Variants in ADGRB3 observed in about 807,000 individuals in gnomAD.
ADGRB3 encodes the protein brain-specific angiogenesis inhibitor 3.
A neutral mutation model predicts 193.4 loss-of-function variants in ADGRB3; 37 were observed. The ratio of observed to expected loss-of-function variants is 0.19; its 90% CI spans 0.15 to 0.25. The LOEUF (loss-of-function observed/expected upper bound fraction) is 0.25. ADGRB3 is among the 10% of genes least tolerant of loss of function. The pLI is 1.00. For missense variants in ADGRB3, 1,637 were observed against 1,852.9 expected (o/e 0.88, Z 2.14); for synonymous variants, 690 against 644.2 (o/e 1.07, Z -1.08).
intron 3 of ADGRB3, among the ~76,000 whole-genome samples, chr6:68,786,368 A>G (rs1485483791): frequency 6.6e-6 from 1 of 152,182 alleles, no homozygotes; most frequent in East Asian, 1.9e-4. Context: ...AGCTTTCTAC[A>G]TATGGCTAGC....
intron 13 of ADGRB3, among the ~76,000 whole-genome samples, chr6:69,042,536 A>T (rs563208762): frequency 2.1e-4 from 32 of 152,204 alleles, no homozygotes; most frequent in Non-Finnish European, 2.8e-4. Context: ...GAAATTGTTA[A>T]TGCCAAGGGG....
At position 69,292,825 on chromosome 6, in the gene ADGRB3, C is replaced by T. The variant is rs369564596; in HGVS notation, c.2815-32047C>T. On this transcript the variant is annotated intron_variant, in intron 20 of 31. Coordinates refer to ENST00000370598, the MANE Select transcript of ADGRB3 (RefSeq NM_001704.3). ...TGCTGGTGCGCTGCACCCACTAACC[C>T]GTCATCTAGCATGAGGTACATCTCC... Among the ~76,000 whole-genome samples, 19 of 152,240 alleles carry T rather than the reference C, an allele frequency of 1.2e-4. No homozygotes were observed. In the East Asian group the frequency reaches 1.7e-3, roughly 14 times the overall value.
chr6:69,115,330 C>T (rs1037487113), intron 17 of ADGRB3, among the ~76,000 whole-genome samples: 5 of 151,960 alleles, frequency 3.3e-5, no homozygotes, highest in Non-Finnish European at 5.9e-5. Flanking sequence ...TCATTCTCAG[C>T]AAACTAAAAC....
At chr6:69,252,759 A>G (rs975724529) in intron 20 of ADGRB3, among the ~76,000 whole-genome samples, 1 of 152,056 alleles carries the variant, frequency 6.6e-6, no homozygotes, top group Middle Eastern at 3.2e-3. Flanking sequence ...CACTTCATTA[A>G]TGGCATCTTT....
intron 3 of ADGRB3, among the ~76,000 whole-genome samples, chr6:68,844,035 G>A (rs1768222547): frequency 1.3e-5 from 2 of 152,124 alleles, no homozygotes; most frequent in Non-Finnish European, 1.5e-5. Flanking sequence ...ATGGATTGAA[G>A]ACTTAAACCT....
intron 3 of ADGRB3, among the ~76,000 whole-genome samples, chr6:68,677,422 T>C (rs1769119482): frequency 6.6e-6 from 1 of 152,142 alleles, no homozygotes; most frequent in African/African-American, 2.4e-5. Flanking sequence ...TTTGCCATTA[T>C]ACAGTCTTTC....
intron 17 of ADGRB3, among the ~76,000 whole-genome samples, chr6:69,090,678 G>A (rs772520173): frequency 5.4e-4 from 82 of 152,292 alleles, no homozygotes; most frequent in Admixed American, 1.1e-3. Flanking sequence ...GTCAAATAAA[G>A]ATCATGGTTT....
chr6:68,808,034 T>C (rs1393697074), intron 3 of ADGRB3, among the ~76,000 whole-genome samples: 1 of 152,218 alleles, frequency 6.6e-6, no homozygotes, highest in Non-Finnish European at 1.5e-5. Context: ...CTAAAATATT[T>C]GTAAAATTAG....
chr6:68,945,276 T>G (rs3798967), intron 6 of ADGRB3, among the ~76,000 whole-genome samples: 123,253 of 151,936 alleles, frequency 0.81, 50,701 homozygotes, highest in Middle Eastern at 0.88. Context: ...AAAATTTTAT[T>G]AATTCTGTGA....
chr6:68,854,623 A>C (rs1438330382), intron 3 of ADGRB3, among the ~76,000 whole-genome samples: 3 of 152,060 alleles, frequency 2.0e-5, no homozygotes, highest in Non-Finnish European at 2.9e-5. Context: ...AACTGTCCTC[A>C]TCTTAGCAAA....
chr6:68,643,438 CTTTTTTT>C (rs765489730), intron 3 of ADGRB3, among the ~76,000 whole-genome samples: 7 of 65,022 alleles, frequency 1.1e-4, no homozygotes, highest in South Asian at 8.2e-4. Context: ...CTTCATCTTC[CTTTTTTT>C]TTTTTTTTTT....
chr6:69,339,283 C>T, intron 25 of ADGRB3, 50 bp from the exon 26 acceptor site: 1 of 1,587,836 alleles, frequency 6.3e-7, no homozygotes, highest in South Asian at 1.1e-5. Context: ...TTGGCTATGG[C>T]CTGGGGTGTG....
At chr6:69,022,366 T>C (rs1362714662) in intron 13 of ADGRB3, among the ~76,000 whole-genome samples, 1 of 151,906 alleles carries the variant, frequency 6.6e-6, no homozygotes, top group African/African-American at 2.4e-5. Flanking sequence ...CTTTATATTA[T>C]TTAATATGAG....
At chr6:68,672,882 A>G (rs902506911) in intron 3 of ADGRB3, among the ~76,000 whole-genome samples, 1 of 152,086 alleles carries the variant, frequency 6.6e-6, no homozygotes, top group Admixed American at 6.6e-5. Flanking sequence ...CTCCTCGCAA[A>G]AAAGTACTTC....
At chr6:68,757,719 A>G (rs1175832033) in intron 3 of ADGRB3, among the ~76,000 whole-genome samples, 1 of 151,950 alleles carries the variant, frequency 6.6e-6, no homozygotes, top group Admixed American at 6.6e-5. Flanking sequence ...TTAAAACCTT[A>G]CTTTAGTTTT....
intron 20 of ADGRB3, among the ~76,000 whole-genome samples, chr6:69,293,263 C>T (rs1767731470): frequency 6.6e-6 from 1 of 151,998 alleles, no homozygotes; most frequent in Non-Finnish European, 1.5e-5. Flanking sequence ...CTTGGGAATC[C>T]ATGAGACAAA....
chr6:69,344,521 C>T (rs1399227405), intron 26 of ADGRB3, among the ~76,000 whole-genome samples: 1 of 152,146 alleles, frequency 6.6e-6, no homozygotes, highest in Non-Finnish European at 1.5e-5. Context: ...CCTGTCTAAT[C>T]TAAAACCAGT....
intron 11 of ADGRB3, among the ~76,000 whole-genome samples, chr6:69,003,069 G>A (rs1769630229): frequency 1.3e-5 from 2 of 152,174 alleles, no homozygotes; most frequent in Admixed American, 6.5e-5. Context: ...CAACAATATG[G>A]GATAATAGTA....
At chr6:68,763,237 C>T (rs1766446680) in intron 3 of ADGRB3, among the ~76,000 whole-genome samples, 2 of 151,934 alleles carry the variant, frequency 1.3e-5, no homozygotes, top group South Asian at 4.2e-4. Flanking sequence ...ATTACAGGCG[C>T]CCACCATAAT....
Sources: gnomAD v4.1 joint callset for allele counts (sites outside exome capture counted in the v4.1 genomes callset) on GRCh38, gnomAD v4.1.1 for gene constraint, MANE v1.5 for transcripts, NCBI Gene and HGNC (gene_info 2026-07-23, HGNC 2026-07-21) for gene names.